Variants in ANK2 observed in about 807,000 individuals in gnomAD.
The protein encoded by ANK2 is ankyrin 2.
ANK2 carries 83 observed loss-of-function variants against 360.5 expected under a neutral mutation model. That is an observed-to-expected ratio of 0.23 (90% CI 0.19 to 0.28). ANK2 has a LOEUF of 0.28. ANK2 is among the 10% of genes least tolerant of loss of function. The probability of loss-of-function intolerance (pLI) is 1.00; values close to 1 mark genes in which losing one functional copy is unlikely to be tolerated. For synonymous variants in ANK2, 1,740 were observed against 1,759.5 expected, an observed-to-expected ratio of 0.99 and a Z score of 0.28; for missense variants, 4,201 against 4,795.7, an observed-to-expected ratio of 0.88 and a Z score of 3.66.
At chr4:112,918,015 G>C (rs786205717) in intron 2 of ANK2, among the ~76,000 whole-genome samples, 1 of 152,128 alleles carries the variant, frequency 6.6e-6, no homozygotes, top group Non-Finnish European at 1.5e-5. Context: ...GAGATTTGGG[G>C]CCTGCTTATT....
intron 2 of ANK2, among the ~76,000 whole-genome samples, chr4:113,020,825 C>CAAA (rs199827290): frequency 0.011 from 1,473 of 130,702 alleles, 36 homozygotes; most frequent in African/African-American, 0.039. Context: ...GACTCTGTCT[C>CAAA]AAAAAAAGAA....
the ANK2 span, among the ~76,000 whole-genome samples, chr4:112,790,426 T>A: frequency 6.6e-6 from 1 of 151,584 alleles, no homozygotes; most frequent in Admixed American, 6.6e-5. Context: ...TCTAGCAGAG[T>A]GAGGGGACTC....
In ANK2 at chr4:113,355,283, C is replaced by A. The variant is rs1385810239; in HGVS notation, c.6665C>A (p.Thr2222Asn). 1.2e-6 allele frequency: 2 copies of A among 1,613,840 alleles called. No homozygotes were observed. Among genetic ancestry groups the A allele is most frequent in the Non-Finnish European group, 1.7e-6 (2 of 1,179,950 alleles). Residue 2222 changes from threonine (T) to asparagine (N), a missense_variant, in exon 38 of 46, where the codon ACC (threonine) becomes AAC (asparagine). By Grantham distance (65) the Thr-to-Asn change is moderately conservative. Coordinates refer to ENST00000357077, the MANE Select transcript of ANK2 (RefSeq NM_001148.6). The stretch of plus-strand genomic sequence containing the variant: ...CCGTGTGGCAGCCTGATGGAGGGGA[C>A]CCCTCAGATTAGTTCAGAAGAAAGC... ...GSPCGSLMEG[T>N]PQISSEESYK...
chr4:113,008,251 G>C (rs76725013), intron 2 of ANK2, among the ~76,000 whole-genome samples: 284 of 152,068 alleles, frequency 1.9e-3, no homozygotes, highest in African/African-American at 6.4e-3. Context: ...CACTTTATTA[G>C]CTTTTAAAGG....
Position 113,356,574 on chromosome 4 carries a change from A to G in ANK2, c.7956A>G (p.Leu2652=). The change falls in exon 38 of 46, where the codon TTA becomes TTG. Residue 2652 remains leucine (L), a synonymous_variant. Coordinates refer to ENST00000357077, the MANE Select transcript of ANK2 (RefSeq NM_001148.6). ...AGGATGAAAGTGGTGTCCCTGTGTT[A>G]GTAACTTCGGAGAGCAGGAAGGTGT... is the stretch of plus-strand genomic sequence containing the variant. ...SGEDESGVPV[L]VTSESRKVSS... 6.2e-7 allele frequency: 1 copy of G among 1,614,108 alleles called. No individual in the cohort carries two copies. The highest frequency in any genetic ancestry group is 1.1e-5 in the South Asian group (1 of 91,090).
intron 1 of ANK2, among the ~76,000 whole-genome samples, chr4:113,129,543 T>G (rs747975317): frequency 6.6e-6 from 1 of 152,226 alleles, no homozygotes; most frequent in Non-Finnish European, 1.5e-5. Flanking sequence ...TTTTGTTTGT[T>G]TGTTTTAAAC....
chr4:112,862,047 C>CT (rs1196324998), intron 1 of ANK2, among the ~76,000 whole-genome samples: 1 of 152,164 alleles, frequency 6.6e-6, no homozygotes, highest in Admixed American at 6.5e-5. Flanking sequence ...ACTTCTCTGC[C>CT]TCAGTTTCCT....
intron 4 of ANK2, among the ~76,000 whole-genome samples, chr4:113,223,390 G>T (rs932917342): frequency 1.3e-5 from 2 of 152,118 alleles, no homozygotes; most frequent in African/African-American, 4.8e-5. Flanking sequence ...TTTGAACCCA[G>T]ATCTTTCTGT....
intron 35 of ANK2, chr4:113,347,915 T>C (rs2095051693): frequency 4.4e-6 from 1 of 227,606 alleles, no homozygotes; most frequent in African/African-American, 2.3e-5. Context: ...TAGCTTTTAG[T>C]ATTTTCAACC....
intron 14 of ANK2, among the ~76,000 whole-genome samples, chr4:113,273,898 A>G (rs1200251458): frequency 6.6e-6 from 1 of 152,184 alleles, no homozygotes; most frequent in African/African-American, 2.4e-5. Context: ...AACTATCTAC[A>G]GCATTTTCTG....
Position 113,155,551 on chromosome 4 carries a change from G to A in ANK2, c.85-18865G>A, listed in dbSNP as rs73841249. Among the ~76,000 whole-genome samples, 650 of 151,856 alleles carry A rather than the reference G, an allele frequency of 4.3e-3. 9 individuals carry two copies. Among genetic ancestry groups the A allele is most frequent in the African/African-American group, 0.015 (602 of 41,434 alleles). ...TTACTTATGACCCACACTAAAATAC[G>A]TTTTAGGAAATTAAAAAAATTAAAT... On this transcript the variant is annotated intron_variant, in intron 1 of 45. Transcript: ENST00000357077.
At chr4:113,377,155 T>C (rs936685235) in intron 45 of ANK2, among the ~76,000 whole-genome samples, 18 of 152,284 alleles carry the variant, frequency 1.2e-4, no homozygotes, top group Middle Eastern at 3.4e-3. Flanking sequence ...TAAATGTATT[T>C]ACCGTACATA....
chr4:112,779,572 A>G, the ANK2 span, among the ~76,000 whole-genome samples: 9 of 152,092 alleles, frequency 5.9e-5, no homozygotes, highest in African/African-American at 2.2e-4. Context: ...AAGTACATAG[A>G]TTTCTCATTT....
intron 1 of ANK2, among the ~76,000 whole-genome samples, chr4:113,055,756 G>A (rs1481758854): frequency 1.3e-5 from 2 of 152,166 alleles, no homozygotes; most frequent in African/African-American, 2.4e-5. Flanking sequence ...TGGTGCTGAA[G>A]AGACCATAGA....
chr4:113,206,495 G>A (rs1042965775), intron 4 of ANK2, among the ~76,000 whole-genome samples: 1 of 151,710 alleles, frequency 6.6e-6, no homozygotes, highest in African/African-American at 2.4e-5. Flanking sequence ...TTTCCATTGG[G>A]AGTATTACTA....
intron 2 of ANK2, among the ~76,000 whole-genome samples, chr4:112,997,038 G>A (rs1487498115): frequency 5.3e-5 from 8 of 151,826 alleles, no homozygotes; most frequent in Admixed American, 3.9e-4. Flanking sequence ...TTATGACAAA[G>A]TTTATTTTCC....
chr4:113,184,125 G>T (rs1234701697), intron 2 of ANK2, among the ~76,000 whole-genome samples: 1 of 150,474 alleles, frequency 6.6e-6, no homozygotes, highest in Non-Finnish European at 1.5e-5. Context: ...TCTAGTTAGA[G>T]CAAGAAGCTT....
At chr4:113,004,726 T>C (rs545948699) in intron 2 of ANK2, among the ~76,000 whole-genome samples, 1 of 152,216 alleles carries the variant, frequency 6.6e-6, no homozygotes, top group Non-Finnish European at 1.5e-5. Flanking sequence ...TGTACCTAAT[T>C]GTATATGCTA....
chr4:113,301,281 A>G (rs2074833202), intron 22 of ANK2, among the ~76,000 whole-genome samples: 1 of 151,920 alleles, frequency 6.6e-6, no homozygotes, highest in African/African-American at 2.4e-5. Flanking sequence ...TGAGATTTGA[A>G]TTTTTATGTT....
Sources: gnomAD v4.1 joint callset for allele counts (sites outside exome capture counted in the v4.1 genomes callset) on GRCh38, gnomAD v4.1.1 for gene constraint, MANE v1.5 for transcripts, NCBI Gene and HGNC (gene_info 2026-07-23, HGNC 2026-07-21) for gene names.